RREB1: variants seen among roughly 807,000 people sequenced by gnomAD.
RREB1 encodes the protein ras responsive element binding protein 1, also known as ras-responsive element-binding protein 1.
In RREB1, 27 loss-of-function variants were observed where a neutral mutation model predicts 117.8. The ratio of observed to expected loss-of-function variants is 0.23; its 90% confidence interval spans 0.17 to 0.32. RREB1 has a LOEUF of 0.32. Among genes scored for constraint, RREB1 ranks in the 10% least tolerant of loss-of-function variants. RREB1 has a pLI of 1.00. For synonymous variants in RREB1, 1,298 were observed against 1,026.7 expected, an observed-to-expected ratio of 1.26 and a Z score of -5.05; for missense variants, 2,577 against 2,378.2, an observed-to-expected ratio of 1.08 and a Z score of -1.74.
chr6:7,208,881 G>A (rs533146798), intron 6 of RREB1, among the ~76,000 whole-genome samples: 13 of 152,298 alleles, frequency 8.5e-5, no homozygotes, highest in African/African-American at 1.7e-4. Context: ...ACTGACTGGC[G>A]TGGTCTTGGG....
At chr6:7,158,502 G>A (rs1384312900) in intron 1 of RREB1, among the ~76,000 whole-genome samples, 1 of 152,148 alleles carries the variant, frequency 6.6e-6, no homozygotes, top group Non-Finnish European at 1.5e-5. Context: ...CCCTTCAGCA[G>A]GACCTGGCTC....
At chr6:7,227,223 C>A (rs1172467030) in intron 9 of RREB1, among the ~76,000 whole-genome samples, 2 of 151,886 alleles carry the variant, frequency 1.3e-5, no homozygotes, top group Admixed American at 1.3e-4. Flanking sequence ...GCGTGGGTGG[C>A]AGAGAGAGAT....
At chr6:7,125,079 C>T (rs1199105338) in intron 1 of RREB1, among the ~76,000 whole-genome samples, 2 of 152,184 alleles carry the variant, frequency 1.3e-5, no homozygotes, top group Non-Finnish European at 2.9e-5. Flanking sequence ...CTTATTCTAG[C>T]TGGTATTTGA....
intron 1 of RREB1, among the ~76,000 whole-genome samples, chr6:7,128,602 C>CTT (rs1212455557): frequency 6.6e-6 from 1 of 152,140 alleles, no homozygotes. Context: ...TTATGGCAGG[C>CTT]TTTAAGAGTT....
intron 1 of RREB1, among the ~76,000 whole-genome samples, chr6:7,141,642 G>A (rs1163543571): frequency 6.6e-6 from 1 of 152,218 alleles, no homozygotes; most frequent in Admixed American, 6.5e-5. Context: ...ATAAAAACAT[G>A]TAGCAGGGTA....
intron 6 of RREB1, among the ~76,000 whole-genome samples, chr6:7,206,905 G>T (rs1287091177): frequency 6.6e-6 from 1 of 152,228 alleles, no homozygotes; most frequent in African/African-American, 2.4e-5. Context: ...AGAGCTTTGG[G>T]ATGGAAGAGG....
Position 7,246,651 on chromosome 6 carries a change from G to A in RREB1, c.4201G>A (p.Gly1401Arg), listed in dbSNP as rs1315984834. Residue 1401 changes from glycine (G) to arginine (R), a missense_variant, in exon 12 of 13, where the codon GGG (glycine) becomes AGG (arginine). Gly to Arg is a moderately radical substitution (Grantham distance 125, BLOSUM62 -2). Transcript: ENST00000379938. ...EEEHGTEEST[G>R]DADGAEEDAS... ...GGAGCATGGCACTGAGGAGAGCACTGGGGACGCCGACGGCGCGGAAGAGGA... is the reference window on the plus strand; with the variant it reads ...GGAGCATGGCACTGAGGAGAGCACTAGGGACGCCGACGGCGCGGAAGAGGA... 5.7e-6 allele frequency: 9 copies of A among 1,575,698 alleles called. No individual in the cohort carries two copies. The highest frequency in any genetic ancestry group is 5.2e-6 in the Non-Finnish European group (6 of 1,160,870).
chr6:7,199,062 C>A (rs1765803486), intron 6 of RREB1, among the ~76,000 whole-genome samples: 1 of 152,184 alleles, frequency 6.6e-6, no homozygotes. Context: ...CCTTTCTTTA[C>A]ATCTCGTTGG....
At chr6:7,228,192 C>G (rs936419643) in intron 9 of RREB1, among the ~76,000 whole-genome samples, 2 of 152,026 alleles carry the variant, frequency 1.3e-5, no homozygotes, top group South Asian at 4.1e-4. Context: ...ATACACACAC[C>G]CATGTGTGTG....
chr6:7,230,012 T>C lies in RREB1; in HGVS notation c.1913T>C (p.Met638Thr), dbSNP rs201220058. The C allele has an allele frequency of 5.5e-5, 88 of 1,608,828 alleles. No homozygotes were observed. In the East Asian group the frequency reaches 1.8e-3, roughly 34 times the overall value. ...CCCGGCGGCAAGAAGACGCCCGCCA[T>C]GCGCAAGGTGCTCTACCCCTGCCGC... ...TAPGGKKTPA[M>T]RKVLYPCRFC... The change falls in exon 10 of 13, where the codon ATG (methionine) becomes ACG (threonine). Residue 638 changes from methionine (M) to threonine (T), a missense_variant. By Grantham distance (81) the Met-to-Thr change is moderately conservative. Coordinates refer to ENST00000379938, the MANE Select transcript of RREB1 (RefSeq NM_001003699.4).
intron 5 of RREB1, among the ~76,000 whole-genome samples, chr6:7,188,601 G>C (rs942282550): frequency 5.3e-5 from 8 of 152,124 alleles, no homozygotes; most frequent in African/African-American, 1.9e-4. Flanking sequence ...GTAGAACAGT[G>C]AAGGATTGAT....
intron 1 of RREB1, among the ~76,000 whole-genome samples, chr6:7,121,250 A>T (rs1761667809): frequency 6.6e-6 from 1 of 152,136 alleles, no homozygotes; most frequent in Admixed American, 6.5e-5. Flanking sequence ...GTGAGCTACC[A>T]CACCTGGCCT....
At chr6:7,109,683 C>A (rs1166234678) in intron 1 of RREB1, among the ~76,000 whole-genome samples, 1 of 152,252 alleles carries the variant, frequency 6.6e-6, no homozygotes, top group Non-Finnish European at 1.5e-5. Context: ...CCCTCCCTCG[C>A]TCCTTACTGG....
chr6:7,197,207 AT>A (rs939731006), intron 6 of RREB1, among the ~76,000 whole-genome samples: 1 of 152,168 alleles, frequency 6.6e-6, no homozygotes, highest in African/African-American at 2.4e-5. Flanking sequence ...TAAAACTGGT[AT>A]TTTCCTTTTA....
intron 9 of RREB1, among the ~76,000 whole-genome samples, chr6:7,227,423 C>A (rs1397995696): frequency 6.6e-6 from 1 of 152,018 alleles, no homozygotes; most frequent in Non-Finnish European, 1.5e-5. Flanking sequence ...CACCTGTAAT[C>A]CCAGCTACTC....
chr6:7,236,221 T>A (rs1327798558), intron 10 of RREB1, among the ~76,000 whole-genome samples: 5 of 152,112 alleles, frequency 3.3e-5, no homozygotes, highest in African/African-American at 1.2e-4. Flanking sequence ...CTGTCCTCAT[T>A]TTCTTCCCCC....
rs1767908859 is a variant in RREB1, at chr6:7,230,864, C to G, written c.2765C>G (p.Pro922Arg). 2.5e-6 allele frequency: 4 copies of G among 1,614,146 alleles called. No individual in the cohort carries two copies. Among genetic ancestry groups the G allele is most frequent in the Non-Finnish European group, 3.4e-6 (4 of 1,180,050 alleles). Residue 922 changes from proline (P) to arginine (R), a missense_variant, in exon 10 of 13, where the codon CCT becomes CGT. Pro to Arg is a moderately radical substitution (Grantham distance 103). Coordinates refer to ENST00000379938, the MANE Select transcript of RREB1 (RefSeq NM_001003699.4). ...VKQENISFLS[P>R]SSLVPYDCSM... ...CAGGAAAACATCTCCTTTCTGAGCCCTTCTTCCCTGGTCCCCTATGACTGC... is the reference window on the plus strand; with the variant it reads ...CAGGAAAACATCTCCTTTCTGAGCCGTTCTTCCCTGGTCCCCTATGACTGC...
At chr6:7,209,785 A>G (rs578184985) in intron 6 of RREB1, among the ~76,000 whole-genome samples, 48 of 152,256 alleles carry the variant, frequency 3.2e-4, no homozygotes, top group African/African-American at 1.1e-3. Context: ...GAAGGTTGAC[A>G]GGATAGCTCA....
chr6:7,225,491 A>C (rs1035402944), intron 8 of RREB1, among the ~76,000 whole-genome samples: 2 of 152,226 alleles, frequency 1.3e-5, no homozygotes, highest in Admixed American at 6.5e-5. Flanking sequence ...CTGCACACTG[A>C]TGTAAAATTT....
Sources: allele counts gnomAD v4.1 joint callset (sites outside exome capture counted in the v4.1 genomes callset), GRCh38; gene constraint gnomAD v4.1.1; transcripts MANE v1.5; gene names NCBI Gene and HGNC (gene_info 2026-07-23, HGNC 2026-07-21).